The following MYO5B variants were observed in gnomAD, a reference collection of about 807,000 sequenced individuals.
MYO5B encodes the protein unconventional myosin-Vb.
Under a neutral mutation model 229.3 loss-of-function variants are expected in MYO5B, and 143 were observed. That is an observed-to-expected ratio of 0.62 (90% CI 0.54 to 0.72). The LOEUF is 0.72. Ranked by LOEUF, MYO5B falls within the 30% of genes least tolerant of loss-of-function variation. MYO5B has a pLI of 0.00. For synonymous variants in MYO5B, 918 were observed against 885.2 expected, an observed-to-expected ratio of 1.04 and a Z score of -0.66; for missense variants, 2,321 against 2,331.0, an observed-to-expected ratio of 1.00 and a Z score of 0.09.
At chr18:50,014,218 T>C (rs1282701338) in intron 4 of MYO5B, among the ~76,000 whole-genome samples, 8 of 151,170 alleles carry the variant, frequency 5.3e-5, no homozygotes, top group Middle Eastern at 3.4e-3. Context: ...GTAAATACTT[T>C]GTTTCACAAA....
At chr18:49,957,463 C>G (rs1461682080) in intron 12 of MYO5B, among the ~76,000 whole-genome samples, 2 of 152,042 alleles carry the variant, frequency 1.3e-5, no homozygotes, top group Non-Finnish European at 2.9e-5. Flanking sequence ...GGCAACAACA[C>G]AGGGAGACCT....
intron 1 of MYO5B, among the ~76,000 whole-genome samples, chr18:50,162,290 T>TC (rs747134859): frequency 7.5e-6 from 1 of 133,688 alleles, no homozygotes; most frequent in Non-Finnish European, 1.6e-5. Flanking sequence ...CATCCCTCCC[T>TC]CCCTCCCTAC....
chr18:50,055,318 C>T lies in MYO5B; in HGVS notation c.88G>A (p.Asp30Asn), dbSNP rs777375439. The T allele has an allele frequency of 6.5e-7, 1 of 1,550,176 alleles. No individual in the cohort carries two copies. The highest frequency in any genetic ancestry group is 2.5e-5 in the East Asian group (1 of 39,982). Residue 30 changes from aspartate (D) to asparagine (N), a missense_variant, in exon 2 of 40, where the codon GAC (aspartate) becomes AAC (asparagine). By Grantham distance (23) the Asp-to-Asn change is conservative (BLOSUM62 1). This residue lies in a region of MYO5B where 2,113 missense variants were observed against 2,044.7 expected (regional missense o/e 1.03). Transcript: ENST00000285039. ...AGGCTCTTGTCTCCTTCTTTGTAGT[C>T]CTTGGTTAACTCAGCTGAGCGCCAT... ...EVWRSAELTK[D>N]YKEGDKSLQL...
chr18:50,058,743 G>A (rs1025347752), intron 1 of MYO5B, among the ~76,000 whole-genome samples: 13 of 151,556 alleles, frequency 8.6e-5, no homozygotes, highest in Admixed American at 3.9e-4. Context: ...TCCGGGAGGC[G>A]GAGGTTGCAG....
intron 10 of MYO5B, among the ~76,000 whole-genome samples, chr18:49,972,530 T>G (rs1362955499): frequency 6.6e-6 from 1 of 152,232 alleles, no homozygotes. Context: ...CAAGTCTGCA[T>G]GTTAATCTTC....
intron 32 of MYO5B, among the ~76,000 whole-genome samples, chr18:49,847,512 G>C (rs1415317475): frequency 1.3e-5 from 2 of 152,196 alleles, no homozygotes; most frequent in South Asian, 4.1e-4. Flanking sequence ...CAAGTGTGAG[G>C]AGCTCAGCAT....
chr18:50,158,310 A>G lies in MYO5B; in HGVS notation c.27+36457T>C, dbSNP rs1004391195. Among the ~76,000 whole-genome samples, 7 of 152,170 alleles carry G rather than the reference A, an allele frequency of 4.6e-5. No individual in the cohort carries two copies. In the East Asian group the frequency reaches 1.4e-3, roughly 29 times the overall value. On this transcript the variant is annotated intron_variant, in intron 1 of 39. Transcript: ENST00000285039. ...TCCCTGGATCTCCCAATGAGCTCACATGGATGCTGCCAAGGACCTCAGAAC... is the reference window on the plus strand; with the variant it reads ...TCCCTGGATCTCCCAATGAGCTCACGTGGATGCTGCCAAGGACCTCAGAAC...
At chr18:49,902,467 G>T in intron 21 of MYO5B, 127 bp downstream of exon 21, 3 of 1,287,400 alleles carry the variant, frequency 2.3e-6, no homozygotes, top group Non-Finnish European at 2.2e-6. Context: ...TATCTGCTGT[G>T]GTCTGAGGAC....
chr18:49,906,412 G>C lies in MYO5B; in HGVS notation c.2414+7C>G. ...CTGCTGCCCTGAGCTGCCACAGTCT[G>C]GCTCACCTGCGGGCCAGGTGTCCCC... On this transcript the variant is annotated splice_region_variant and intron_variant, in intron 19 of 39. Coordinates refer to ENST00000285039, the MANE Select transcript of MYO5B (RefSeq NM_001080467.3). The C allele has an allele frequency of 3.1e-6, 5 of 1,613,848 alleles. No individual in the cohort carries two copies. The highest frequency in any genetic ancestry group is 4.2e-6 in the Non-Finnish European group (5 of 1,179,826).
intron 1 of MYO5B, among the ~76,000 whole-genome samples, chr18:50,062,317 G>C (rs2852102): frequency 0.73 from 110,534 of 151,778 alleles, 41,726 homozygotes; most frequent in Middle Eastern, 0.83. Flanking sequence ...CCTGGGAATG[G>C]ACAAGGGATC....
At chr18:49,965,825 T>C (rs1177838020) in intron 10 of MYO5B, among the ~76,000 whole-genome samples, 1 of 152,008 alleles carries the variant, frequency 6.6e-6, no homozygotes, top group Non-Finnish European at 1.5e-5. Flanking sequence ...ATATGGAGGA[T>C]GATGTCCTAG....
intron 1 of MYO5B, among the ~76,000 whole-genome samples, chr18:50,147,026 G>C (rs1443698471): frequency 6.6e-6 from 1 of 152,174 alleles, no homozygotes; most frequent in Non-Finnish European, 1.5e-5. Context: ...GGTTCTACCA[G>C]TGGTCACCAT....
At chr18:49,936,178 A>G in intron 16 of MYO5B, 74 bp downstream of exon 16, 1 of 1,310,026 alleles carries the variant, frequency 7.6e-7, no homozygotes, top group Non-Finnish European at 1.1e-6. Context: ...ACCCCCAGGC[A>G]AGGCCTGGGC....
intron 17 of MYO5B, among the ~76,000 whole-genome samples, chr18:49,925,003 A>G (rs993597354): frequency 4.6e-5 from 7 of 152,246 alleles, no homozygotes; most frequent in African/African-American, 1.7e-4. Context: ...AACTATCTGA[A>G]TGGATCCCTC....
intron 1 of MYO5B, among the ~76,000 whole-genome samples, chr18:50,171,480 G>A (rs1432744382): frequency 7.8e-6 from 1 of 127,952 alleles, no homozygotes; most frequent in Non-Finnish European, 1.7e-5. Flanking sequence ...GATACAGCAT[G>A]GATATGGAAA....
chr18:50,184,154 T>C (rs2033114699), intron 1 of MYO5B, among the ~76,000 whole-genome samples: 1 of 151,524 alleles, frequency 6.6e-6, no homozygotes, highest in South Asian at 2.1e-4. Flanking sequence ...GTGGATCTCG[T>C]TTGGGACTAC....
chr18:50,104,984 T>TC lies in MYO5B; in HGVS notation c.28-49607dup, dbSNP rs150455207. Among the ~76,000 whole-genome samples, 599 of 151,950 alleles carry TC rather than the reference T, an allele frequency of 3.9e-3. 18 individuals are homozygous for TC. The East Asian group carries it at 0.098, about 25-fold the overall frequency. ...GGAGCACTCTGGAGACCACCAGGAC[T>TC]CAACCACCGGGAGGACTCCAGAGGG... On this transcript the variant is annotated intron_variant, in intron 1 of 39. Coordinates refer to ENST00000285039, the MANE Select transcript of MYO5B (RefSeq NM_001080467.3).
At chr18:50,193,384 G>A (rs1236192124) in intron 1 of MYO5B, among the ~76,000 whole-genome samples, 1 of 152,262 alleles carries the variant, frequency 6.6e-6, no homozygotes, top group African/African-American at 2.4e-5. Flanking sequence ...CCCCAGCCAG[G>A]TGACAGCCTC....
intron 1 of MYO5B, among the ~76,000 whole-genome samples, chr18:50,173,402 G>A (rs925573564): frequency 6.6e-6 from 1 of 152,162 alleles, no homozygotes; most frequent in Non-Finnish European, 1.5e-5. Context: ...AAGGGGTTTG[G>A]ATTTTATTCC....
Sources: allele counts gnomAD v4.1 joint callset (sites outside exome capture counted in the v4.1 genomes callset), GRCh38; gene constraint gnomAD v4.1.1; regional missense constraint gnomAD v4.1.1; transcripts MANE v1.5; gene names NCBI Gene and HGNC (gene_info 2026-07-23, HGNC 2026-07-21).